DIS3L2: variants seen among roughly 807,000 people sequenced by gnomAD.
DIS3L2 encodes the protein DIS3-like exonuclease 2.
Under a neutral mutation model 97.5 loss-of-function variants are expected in DIS3L2, and 34 were observed. The ratio of observed to expected loss-of-function variants is 0.35; its 90% confidence interval spans 0.27 to 0.46. The LOEUF (loss-of-function observed/expected upper bound fraction) is 0.46, where lower values mean the gene tolerates loss of function less well. DIS3L2 is among the 20% of genes least tolerant of loss of function. DIS3L2 has a pLI of 1.00. For synonymous variants in DIS3L2, 435 were observed against 445.2 expected (o/e 0.98, Z 0.29); for missense variants, 1,038 against 1,146.0 (o/e 0.91, Z 1.36).
chr2:232,330,661 TCA>T (rs768461918), intron 15 of DIS3L2, 27 bp from the exon 16 acceptor site: 1 of 1,612,926 alleles, frequency 6.2e-7, no homozygotes, highest in Non-Finnish European at 8.5e-7. Flanking sequence ...GGACCACACG[TCA>T]CATAGGTTTC....
chr2:232,214,164 A>T (rs1472023563), intron 10 of DIS3L2, among the ~76,000 whole-genome samples: 1 of 152,176 alleles, frequency 6.6e-6, no homozygotes, highest in Non-Finnish European at 1.5e-5. Context: ...TCAGTGTTTT[A>T]TTATTGTACA....
chr2:232,329,785 T>TCCCCGGGGGGCCCCCCCC, intron 14 of DIS3L2, 28 bp from the exon 15 acceptor site: 23 of 967,116 alleles, frequency 2.4e-5, no homozygotes, highest in East Asian at 6.2e-5. Flanking sequence ...ACCCCAGCGG[T>TCCCCGGGGGGCCCCCCCC]CCCTCCCATC....
chr2:232,158,337 A>G (rs1019053220), intron 8 of DIS3L2, among the ~76,000 whole-genome samples: 6 of 135,812 alleles, frequency 4.4e-5, no homozygotes, highest in Non-Finnish European at 7.9e-5. Flanking sequence ...GTGTGTGTGC[A>G]TGTGTGTGTT....
chr2:232,163,531 C>T lies in DIS3L2; in HGVS notation c.1023C>T (p.Gly341=), dbSNP rs201122747. The T allele has an allele frequency of 1.4e-4, 230 of 1,614,002 alleles. 1 individual carries two copies. The highest frequency in any genetic ancestry group is 2.0e-4 in the East Asian group (9 of 44,882). ...PETEGILTEY[G]VDFSDFSSEV... ...CAGAAGGAATACTAACAGAGTATGGCGTGGATTTCTCTGATTTCTCTTCAG... is the reference window on the plus strand; with the variant it reads ...CAGAAGGAATACTAACAGAGTATGGTGTGGATTTCTCTGATTTCTCTTCAG... The change falls in exon 9 of 21, where the codon GGC becomes GGT. Residue 341 remains glycine, a synonymous_variant. Coordinates refer to ENST00000325385, the MANE Select transcript of DIS3L2 (RefSeq NM_152383.5).
At chr2:232,196,647 C>T (rs751836653) in intron 9 of DIS3L2, among the ~76,000 whole-genome samples, 1 of 151,846 alleles carries the variant, frequency 6.6e-6, no homozygotes, top group Non-Finnish European at 1.5e-5. Context: ...TGTGGACTCT[C>T]CCTTTGAAAG....
intron 10 of DIS3L2, among the ~76,000 whole-genome samples, chr2:232,217,733 G>A (rs866732662): frequency 6.6e-6 from 1 of 152,210 alleles, no homozygotes; most frequent in African/African-American, 2.4e-5. Context: ...CGAGGTATGG[G>A]GGAAGGGATG....
rs1222931114 is a variant in DIS3L2 at position 232,176,769 on chromosome 2, TTTAA to T, written c.1124+13160_1124+13163del. ...ATGCCCGGCTATTTTTTTTTAATTT[TTTAA>T]TTAATTAATTAATTAATTAATTTAT... On this transcript the variant is annotated intron_variant, in intron 9 of 20. Coordinates refer to ENST00000325385, the MANE Select transcript of DIS3L2 (RefSeq NM_152383.5). Among the ~76,000 whole-genome samples, 62 of 149,434 alleles carry T rather than the reference TTTAA, an allele frequency of 4.1e-4. 1 individual carries two copies. The South Asian group carries it at 7.7e-3, about 19-fold the overall frequency.
At chr2:232,103,977 A>C (rs1697283325) in intron 6 of DIS3L2, among the ~76,000 whole-genome samples, 1 of 152,160 alleles carries the variant, frequency 6.6e-6, no homozygotes, top group African/African-American at 2.4e-5. Context: ...ATCTGTGATC[A>C]TAACCCCTTT....
chr2:232,240,534 A>G (rs920519957), intron 11 of DIS3L2, among the ~76,000 whole-genome samples: 4 of 152,244 alleles, frequency 2.6e-5, no homozygotes, highest in Non-Finnish European at 5.9e-5. Context: ...ATTAGTGAGA[A>G]TAGTTAGCTG....
chr2:232,301,323 A>G (rs1261492596), intron 14 of DIS3L2, among the ~76,000 whole-genome samples: 1 of 152,178 alleles, frequency 6.6e-6, no homozygotes, highest in Non-Finnish European at 1.5e-5. Flanking sequence ...ACCCCAGTCA[A>G]TGACAAGAGC....
At chr2:232,041,706 A>C (rs1695115034) in intron 5 of DIS3L2, among the ~76,000 whole-genome samples, 1 of 152,236 alleles carries the variant, frequency 6.6e-6, no homozygotes, top group Admixed American at 6.5e-5. Context: ...AATTACACTC[A>C]ATCGGCAAAA....
intron 6 of DIS3L2, among the ~76,000 whole-genome samples, chr2:232,116,112 C>T (rs932382522): frequency 2.6e-5 from 4 of 151,980 alleles, no homozygotes; most frequent in African/African-American, 9.7e-5. Context: ...GTGGAGATTG[C>T]AGTGAGCTGA....
At chr2:232,194,551 A>G (rs1049686845) in intron 9 of DIS3L2, among the ~76,000 whole-genome samples, 1 of 152,214 alleles carries the variant, frequency 6.6e-6, no homozygotes, top group Non-Finnish European at 1.5e-5. Flanking sequence ...AAAGATAGCT[A>G]GAAGCCAGTG....
rs963284745 is a variant in DIS3L2, at chr2:232,319,966, G to C, written c.1740-9847G>C. Among the ~76,000 whole-genome samples the C allele has an allele frequency of 2.3e-4, 35 of 152,186 alleles. 1 individual carries two copies. The highest frequency in any genetic ancestry group is 3.8e-4 in the Non-Finnish European group (26 of 68,038). ...AGAATGAGAGTGGCGTCGGGGAAAG[G>C]GCTGAAGTCTTCACACAGGCTGTGC... On this transcript the variant is annotated intron_variant, in intron 14 of 20. Transcript: ENST00000325385.
intron 14 of DIS3L2, among the ~76,000 whole-genome samples, chr2:232,322,510 G>A (rs1254098009): frequency 6.6e-6 from 1 of 152,250 alleles, no homozygotes; most frequent in Non-Finnish European, 1.5e-5. Context: ...CCAGTGAGGA[G>A]TGGATGAGGA....
At chr2:232,134,479 C>A (rs1175229947) in intron 7 of DIS3L2, among the ~76,000 whole-genome samples, 2 of 151,988 alleles carry the variant, frequency 1.3e-5, no homozygotes, top group Admixed American at 6.6e-5. Context: ...GTGGAAGGAC[C>A]AGAAGATAAG....
intron 20 of DIS3L2, 200 bp from the exon 21 acceptor site, chr2:232,336,269 G>A (rs758607844): frequency 4.1e-5 from 63 of 1,544,670 alleles, no homozygotes; most frequent in Middle Eastern, 1.7e-4. Flanking sequence ...CCTTGGGAGC[G>A]CTCAGGATGC....
At chr2:231,983,287 G>A (rs907543366) in intron 1 of DIS3L2, among the ~76,000 whole-genome samples, 1 of 152,228 alleles carries the variant, frequency 6.6e-6, no homozygotes, top group Non-Finnish European at 1.5e-5. Flanking sequence ...ATGAAGGATA[G>A]AAGTGTGAGA....
chr2:232,057,748 A>G (rs1004280605), intron 5 of DIS3L2, among the ~76,000 whole-genome samples: 2 of 152,164 alleles, frequency 1.3e-5, no homozygotes, highest in African/African-American at 4.8e-5. Context: ...CAGAAGTTGT[A>G]AGATAATAAA....
Sources: gnomAD v4.1 joint callset for allele counts (sites outside exome capture counted in the v4.1 genomes callset) on GRCh38, gnomAD v4.1.1 for gene constraint, MANE v1.5 for transcripts, NCBI Gene and HGNC (gene_info 2026-07-23, HGNC 2026-07-21) for gene names.